Variants in CRISP1 observed in about 807,000 individuals in gnomAD.
CRISP1 encodes the protein cysteine rich secretory protein 1, also known as cysteine-rich secretory protein 1.
A neutral mutation model predicts 33.1 loss-of-function variants in CRISP1; 44 were observed. That is an observed-to-expected ratio of 1.33 (90% CI 1.05 to 1.71). CRISP1 has a LOEUF of 1.71. Among genes scored for constraint, CRISP1 ranks in the 40% most tolerant of loss-of-function variants. The pLI is 0.00. For missense variants in CRISP1, 390 were observed against 301.2 expected, an observed-to-expected ratio of 1.29 and a Z score of -2.18; for synonymous variants, 103 against 98.7, an observed-to-expected ratio of 1.04 and a Z score of -0.26.
chr6:49,841,257 C>T (rs932419929), intron 5 of CRISP1, among the ~76,000 whole-genome samples: 7 of 152,106 alleles, frequency 4.6e-5, no homozygotes, highest in African/African-American at 1.4e-4. Context: ...TTGACATTGT[C>T]TCTATTTTTT....
chr6:49,853,016 C>A (rs1164063817), intron 2 of CRISP1, among the ~76,000 whole-genome samples: 1 of 152,036 alleles, frequency 6.6e-6, no homozygotes, highest in Non-Finnish European at 1.5e-5. Context: ...TACGATCTAG[C>A]ATCATAACTT....
chr6:49,865,926 G>A (rs1771788627), intron 1 of CRISP1, among the ~76,000 whole-genome samples: 1 of 152,138 alleles, frequency 6.6e-6, no homozygotes, highest in Non-Finnish European at 1.5e-5. Flanking sequence ...GGTTCTGATA[G>A]AGGCTGCCTT....
In CRISP1 at chr6:49,845,944, G is replaced by C. The variant is rs568649452; in HGVS notation, c.435+576C>G. Among the ~76,000 whole-genome samples the C allele has an allele frequency of 4.0e-4, 61 of 152,244 alleles. 1 individual carries two copies. Among genetic ancestry groups the C allele is most frequent in the African/African-American group, 1.4e-3 (60 of 41,564 alleles). On this transcript the variant is annotated intron_variant, in intron 5 of 7. Coordinates refer to ENST00000335847, the MANE Select transcript of CRISP1 (RefSeq NM_001131.3). ...TACTTTGAGTAGTGAAATTCACAGA[G>C]ACAGAAAGTAGAGTGGTAGTTGCCA...
At position 49,854,938 on chromosome 6, in the gene CRISP1, G is replaced by T. The variant is rs765205463; in HGVS notation, c.66+2397C>A. The stretch of plus-strand genomic sequence containing the variant: ...TTATCCCATACAAAATGGCAATAAG[G>T]TTGAAGTTGGGAAACCCTACATTAG... On this transcript the variant is annotated intron_variant, in intron 2 of 7. Coordinates refer to ENST00000335847, the MANE Select transcript of CRISP1 (RefSeq NM_001131.3). Among the ~76,000 whole-genome samples the T allele has an allele frequency of 5.0e-4, 76 of 152,220 alleles. 1 individual carries two copies. Among genetic ancestry groups the T allele is most frequent in the Non-Finnish European group, 1.0e-3 (69 of 68,008 alleles).
At chr6:49,852,355 C>T (rs1292017808) in intron 2 of CRISP1, among the ~76,000 whole-genome samples, 1 of 152,124 alleles carries the variant, frequency 6.6e-6, no homozygotes, top group African/African-American at 2.4e-5. Context: ...GAATAATGCA[C>T]TTGTTATCCT....
intron 7 of CRISP1, among the ~76,000 whole-genome samples, chr6:49,836,977 G>T (rs1770819371): frequency 6.6e-6 from 1 of 151,758 alleles, no homozygotes. Flanking sequence ...ATGACTATCA[G>T]TGGATTTTTT....
Position 49,835,241 on chromosome 6 carries a change from A to G in CRISP1, c.*75T>C. The G allele has an allele frequency of 6.6e-7, 1 of 1,507,670 alleles. No homozygotes were observed. The highest frequency in any genetic ancestry group is 9.0e-7 in the Non-Finnish European group (1 of 1,107,696). The allele number at this position is 1,507,670 out of a possible 1,614,324, so 93.4% of individuals were successfully genotyped here. On this transcript the variant is annotated 3_prime_UTR_variant, in exon 8 of 8. Coordinates refer to ENST00000335847, the MANE Select transcript of CRISP1 (RefSeq NM_001131.3). ...GAAATTTAGCAGAAGCTACTGAACTATAGCAAAAGACATGAATCCAACAGA... is the reference window on the plus strand; with the variant it reads ...GAAATTTAGCAGAAGCTACTGAACTGTAGCAAAAGACATGAATCCAACAGA...
At chr6:49,874,340 G>A (rs760345034) in intron 1 of CRISP1, among the ~76,000 whole-genome samples, 2 of 152,038 alleles carry the variant, frequency 1.3e-5, no homozygotes, top group Non-Finnish European at 2.9e-5. Context: ...ATTGATTTCA[G>A]ATAACTAAAA....
Position 49,859,472 on chromosome 6 carries a change from TA to T in CRISP1, c.-2-2071del, listed in dbSNP as rs915060929. Among the ~76,000 whole-genome samples, 201 of 150,276 alleles carry T rather than the reference TA, an allele frequency of 1.3e-3. 1 individual carries two copies. Among genetic ancestry groups the T allele is most frequent in the African/African-American group, 4.8e-3 (199 of 41,034 alleles). ...AAGTTATTCTTCATAAATGAAAGATTAAAAAAAAAGTTTTTTCCAGACAAGC... is the reference window on the plus strand; with the variant it reads ...AAGTTATTCTTCATAAATGAAAGATTAAAAAAAAGTTTTTTCCAGACAAGC... On this transcript the variant is annotated intron_variant, in intron 1 of 7. Transcript: ENST00000335847.
intron 5 of CRISP1, among the ~76,000 whole-genome samples, chr6:49,844,014 G>C (rs1771077280): frequency 6.6e-6 from 1 of 152,148 alleles, no homozygotes; most frequent in African/African-American, 2.4e-5. Context: ...GAGTGGTTTG[G>C]TTTCTCCTCA....
Position 49,835,320 on chromosome 6 carries a change from T to A in CRISP1, c.746A>T (p.Lys249Ile), listed in dbSNP as rs1363592815. 2 of 1,613,480 alleles carry A rather than the reference T, an allele frequency of 1.2e-6. No individual in the cohort carries two copies. The highest frequency in any genetic ancestry group is 1.1e-5 in the South Asian group (1 of 90,992). ...KATCLCDTEI[K>I] ...ACAGTTGAAAATAACAAAGACCTAT[T>A]TTATCTCAGTGTCACACAGACAAGT... Residue 249 changes from lysine to isoleucine, a missense_variant, in exon 8 of 8, where the codon AAA (lysine) becomes ATA (isoleucine). Transcript: ENST00000335847.
At chr6:49,873,037 G>A (rs1771962304) in intron 1 of CRISP1, among the ~76,000 whole-genome samples, 1 of 152,066 alleles carries the variant, frequency 6.6e-6, no homozygotes, top group East Asian at 1.9e-4. Flanking sequence ...CCATGAGCAT[G>A]GAATGATAGC....
chr6:49,849,502 A>G (rs532302659), intron 3 of CRISP1, among the ~76,000 whole-genome samples: 2 of 152,146 alleles, frequency 1.3e-5, no homozygotes, highest in African/African-American at 2.4e-5. Context: ...TTCCCAGGCA[A>G]TGGGCAATAC....
At chr6:49,850,551 T>C (rs1771316736) in intron 3 of CRISP1, among the ~76,000 whole-genome samples, 1 of 152,118 alleles carries the variant, frequency 6.6e-6, no homozygotes, top group Non-Finnish European at 1.5e-5. Flanking sequence ...TCAGTCCTAT[T>C]GTTCCTTAAA....
chr6:49,849,480 T>C lies in CRISP1; in HGVS notation c.196-1181A>G, dbSNP rs576721195. ...GACAGTCAGGCTGACATCACCCTCA[T>C]GAAAGCCTTTCTTCCCAGGCAATGG... On this transcript the variant is annotated intron_variant, in intron 3 of 7. Coordinates refer to ENST00000335847, the MANE Select transcript of CRISP1 (RefSeq NM_001131.3). 5.9e-5 allele frequency among the ~76,000 whole-genome samples: 9 copies of C among 152,266 alleles called. 1 individual carries two copies. The East Asian group carries it at 1.7e-3, about 30-fold the overall frequency.
intron 1 of CRISP1, among the ~76,000 whole-genome samples, chr6:49,866,096 G>T (rs1243266484): frequency 6.6e-6 from 1 of 152,020 alleles, no homozygotes; most frequent in Non-Finnish European, 1.5e-5. Context: ...TCAATATTTT[G>T]TGAAATAAAA....
chr6:49,875,100 G>A (rs1437748765), intron 1 of CRISP1, among the ~76,000 whole-genome samples: 1 of 151,958 alleles, frequency 6.6e-6, no homozygotes, highest in South Asian at 2.1e-4. Context: ...TATTTAAATA[G>A]GAATAGAGGA....
chr6:49,851,944 T>A lies in CRISP1; in HGVS notation c.195+57A>T, dbSNP rs563625923. The A allele has an allele frequency of 1.2e-4, 193 of 1,544,682 alleles. 3 individuals carry two copies. In the East Asian group the frequency reaches 4.4e-3, roughly 35 times the overall value. The stretch of plus-strand genomic sequence containing the variant: ...GAAAGTGCATAGAACTTAATAAAAC[T>A]CAGTAAACACCATTACTATTATTGC... On this transcript the variant is annotated intron_variant, in intron 3 of 7. Transcript: ENST00000335847.
chr6:49,843,823 G>T (rs1435423636), intron 5 of CRISP1, among the ~76,000 whole-genome samples: 1 of 152,194 alleles, frequency 6.6e-6, no homozygotes, highest in East Asian at 1.9e-4. Context: ...AGTCTATTTT[G>T]TTGTGGTCTC....
Sources: allele counts gnomAD v4.1 joint callset (sites outside exome capture counted in the v4.1 genomes callset), GRCh38; gene constraint gnomAD v4.1.1; transcripts MANE v1.5; gene names NCBI Gene and HGNC (gene_info 2026-07-23, HGNC 2026-07-21).